ERGIC1: variants seen among roughly 807,000 people sequenced by gnomAD.
ERGIC1 encodes endoplasmic reticulum-golgi intermediate compartment 1, also known as endoplasmic reticulum-Golgi intermediate compartment protein 1.
A neutral mutation model predicts 38.3 loss-of-function variants in ERGIC1; 19 were observed. The ratio of observed to expected loss-of-function variants is 0.50; its 90% CI spans 0.35 to 0.73. The LOEUF (loss-of-function observed/expected upper bound fraction) is 0.73, where lower values mean the gene tolerates loss of function less well. Ranked by LOEUF, ERGIC1 falls within the 30% of genes least tolerant of loss-of-function variation. The pLI is 0.01. For synonymous variants in ERGIC1, 124 were observed against 157.6 expected (o/e 0.79, Z 1.60); for missense variants, 294 against 389.2 (o/e 0.76, Z 2.06).
chr5:172,909,552 G>A (rs1763154477), intron 3 of ERGIC1, 115 bp from the exon 4 acceptor site: 1 of 902,162 alleles, frequency 1.1e-6, no homozygotes, highest in Admixed American at 1.8e-5. Flanking sequence ...CTGCCCAGGT[G>A]GAGTCTGGGT....
At chr5:172,855,097 C>G (rs1163968326) in intron 1 of ERGIC1, among the ~76,000 whole-genome samples, 1 of 152,162 alleles carries the variant, frequency 6.6e-6, no homozygotes, top group Non-Finnish European at 1.5e-5. Context: ...GCTGTGTTCC[C>G]CCAACGGACA....
chr5:172,929,171 G>GTGTGTGTA (rs1414813732), intron 7 of ERGIC1, among the ~76,000 whole-genome samples: 6 of 151,472 alleles, frequency 4.0e-5, no homozygotes, highest in Admixed American at 6.6e-5. Flanking sequence ...GTGTGTGTGT[G>GTGTGTGTA]TATATAAGTA....
chr5:172,935,255 C>G lies in ERGIC1; in HGVS notation c.710C>G (p.Pro237Arg). Residue 237 changes from proline (P) to arginine (R), a missense_variant, in exon 9 of 10, where the codon CCC becomes CGC. Coordinates refer to ENST00000393784, the MANE Select transcript of ERGIC1 (RefSeq NM_001031711.3). Reference sequence around the variant, plus strand: ...ATCTGGTTCCGCTACGACCTCAGCCCCATCACGGTCAAGTACACAGAGAGA... The same window carrying G: ...ATCTGGTTCCGCTACGACCTCAGCCGCATCACGGTCAAGTACACAGAGAGA... The part of the protein sequence containing the change: ...PAIWFRYDLS[P>R]ITVKYTERRQ... 6.2e-7 allele frequency: 1 copy of G among 1,614,172 alleles called. No homozygotes were observed. Among genetic ancestry groups the G allele is most frequent in the Non-Finnish European group, 8.5e-7 (1 of 1,180,042 alleles).
In ERGIC1 at chr5:172,924,038, G is replaced by A; in HGVS notation, c.409G>A (p.Ala137Thr). 6.2e-7 allele frequency: 1 copy of A among 1,614,176 alleles called. No homozygotes were observed. Among genetic ancestry groups the A allele is most frequent in the Non-Finnish European group, 8.5e-7 (1 of 1,180,038 alleles). The stretch of plus-strand genomic sequence containing the variant: ...CAACTTCCACGTGTCCACACACAGT[G>A]CCACAGCCCAGCCACAGAACCCAGA... ...PGNFHVSTHSATAQPQNPDMT... is the reference protein window; with the variant it reads ...PGNFHVSTHSTTAQPQNPDMT... Residue 137 changes from alanine to threonine, a missense_variant, in exon 6 of 10, where the codon GCC (alanine) becomes ACC (threonine). This residue lies in a region of ERGIC1 where 163 missense variants were observed against 225.8 expected (regional missense o/e 0.72). Coordinates refer to ENST00000393784, the MANE Select transcript of ERGIC1 (RefSeq NM_001031711.3).
chr5:172,877,742 A>G (rs1276519552), intron 1 of ERGIC1, among the ~76,000 whole-genome samples: 2 of 151,882 alleles, frequency 1.3e-5, no homozygotes, highest in African/African-American at 4.8e-5. Context: ...GGATGTTTGG[A>G]TGACCTCCCG....
chr5:172,934,942 GCTGC>G, intron 8 of ERGIC1: 1 of 528,632 alleles, frequency 1.9e-6, no homozygotes, highest in Non-Finnish European at 3.4e-6. Context: ...TGATTCTGGT[GCTGC>G]TTGCAGCTCA....
chr5:172,897,428 CAAAA>C (rs71310033), intron 3 of ERGIC1, among the ~76,000 whole-genome samples: 1 of 109,948 alleles, frequency 9.1e-6, no homozygotes. Flanking sequence ...GACCCTGTTT[CAAAA>C]AAAAAAAAAA....
At chr5:172,911,933 G>A (rs955481214) in intron 4 of ERGIC1, among the ~76,000 whole-genome samples, 2 of 152,008 alleles carry the variant, frequency 1.3e-5, no homozygotes, top group Non-Finnish European at 2.9e-5. Flanking sequence ...CTGCTAGCAG[G>A]TGGGGCCCCC....
intron 1 of ERGIC1, among the ~76,000 whole-genome samples, chr5:172,849,335 T>G (rs1761348584): frequency 6.6e-6 from 1 of 152,174 alleles, no homozygotes; most frequent in African/African-American, 2.4e-5. Context: ...GAGAGTCAGA[T>G]TCAGGTGGCC....
intron 7 of ERGIC1, among the ~76,000 whole-genome samples, chr5:172,927,498 T>G (rs1251186289): frequency 6.6e-6 from 1 of 152,134 alleles, no homozygotes; most frequent in Non-Finnish European, 1.5e-5. Flanking sequence ...CTTTTTGTAC[T>G]TGACCTTATT....
At chr5:172,884,250 T>TTG (rs1409421924) in intron 1 of ERGIC1, among the ~76,000 whole-genome samples, 74 of 113,846 alleles carry the variant, frequency 6.5e-4, no homozygotes, top group Non-Finnish European at 1.7e-4. Context: ...CCAAGTTTTT[T>TTG]TTTTTTTTTT....
At chr5:172,859,259 C>T (rs976743928) in intron 1 of ERGIC1, among the ~76,000 whole-genome samples, 3 of 152,124 alleles carry the variant, frequency 2.0e-5, no homozygotes, top group Non-Finnish European at 2.9e-5. Flanking sequence ...GACCAGGCCC[C>T]GGCCTGGCCA....
chr5:172,864,994 C>T (rs923095085), intron 1 of ERGIC1, among the ~76,000 whole-genome samples: 3 of 151,920 alleles, frequency 2.0e-5, no homozygotes, highest in African/African-American at 7.3e-5. Flanking sequence ...CAACGCTCTT[C>T]CCAGAGGAAG....
At chr5:172,849,617 C>T (rs1275784616) in intron 1 of ERGIC1, among the ~76,000 whole-genome samples, 5 of 152,150 alleles carry the variant, frequency 3.3e-5, no homozygotes, top group African/African-American at 9.7e-5. Flanking sequence ...GGGGGTCACA[C>T]CTGCAGGAAT....
intron 1 of ERGIC1, among the ~76,000 whole-genome samples, chr5:172,853,905 G>A (rs566069825): frequency 3.2e-4 from 49 of 152,330 alleles, no homozygotes; most frequent in African/African-American, 1.1e-3. Flanking sequence ...GGAATTCCTG[G>A]AGAGTTCAAT....
intron 5 of ERGIC1, chr5:172,920,442 C>G (rs1381391311): frequency 1.4e-6 from 1 of 717,736 alleles, no homozygotes. Context: ...CCCACGGTGA[C>G]CTCGTTTCAT....
At chr5:172,877,458 A>ATATATATT (rs58452182) in intron 1 of ERGIC1, among the ~76,000 whole-genome samples, 1 of 86,624 alleles carries the variant, frequency 1.2e-5, no homozygotes, top group African/African-American at 4.3e-5. Flanking sequence ...ATATATATAT[A>ATATATATT]TTTTTTTTTT....
intron 3 of ERGIC1, among the ~76,000 whole-genome samples, chr5:172,906,396 G>A (rs1324945381): frequency 2.6e-5 from 4 of 152,132 alleles, no homozygotes; most frequent in African/African-American, 9.7e-5. Context: ...TGGGGCTCAG[G>A]GCATTTCACA....
Position 172,905,956 on chromosome 5 carries a change from T to C in ERGIC1, c.156-3711T>C, listed in dbSNP as rs960131666. On this transcript the variant is annotated intron_variant, in intron 3 of 9. Transcript: ENST00000393784. ...TAATTGGTATTTCAGTGAGCTCCCTTTACTACCTGATTGGTCAGGTGTGAG... is the reference window on the plus strand; with the variant it reads ...TAATTGGTATTTCAGTGAGCTCCCTCTACTACCTGATTGGTCAGGTGTGAG... 2.9e-5 allele frequency: 12 copies of C among 414,702 alleles called. 1 individual carries two copies. The highest frequency in any genetic ancestry group is 2.1e-4 in the South Asian group (12 of 58,012). 25.7% of individuals were successfully genotyped at this position (414,702 alleles called of 1,614,324 possible).
Sources: allele counts gnomAD v4.1 joint callset (sites outside exome capture counted in the v4.1 genomes callset), GRCh38; gene constraint gnomAD v4.1.1; regional missense constraint gnomAD v4.1.1; transcripts MANE v1.5; gene names NCBI Gene and HGNC (gene_info 2026-07-23, HGNC 2026-07-21).